Variants in DCC observed in about 807,000 individuals in gnomAD.
The protein encoded by DCC is netrin receptor DCC.
In DCC, 58 loss-of-function variants were observed where a neutral mutation model predicts 172.5. That is an observed-to-expected ratio of 0.34 (90% CI 0.27 to 0.42). The LOEUF is 0.42. Among genes scored for constraint, DCC ranks in the 10% least tolerant of loss-of-function variants. The probability of loss-of-function intolerance (pLI) is 1.00; values close to 1 mark genes in which losing one functional copy is unlikely to be tolerated. For synonymous variants in DCC, 709 were observed against 644.5 expected (o/e 1.10, Z -1.52); for missense variants, 1,740 against 1,791.0 (o/e 0.97, Z 0.51).
chr18:53,151,906 T>C (rs887095211), intron 7 of DCC, among the ~76,000 whole-genome samples: 1 of 152,148 alleles, frequency 6.6e-6, no homozygotes, highest in African/African-American at 2.4e-5. Flanking sequence ...AATAACTTTA[T>C]GAACTGTAAA....
chr18:52,415,764 TTTC>T (rs1987001476), intron 1 of DCC, among the ~76,000 whole-genome samples: 1 of 152,142 alleles, frequency 6.6e-6, no homozygotes, highest in African/African-American at 2.4e-5. Context: ...TCTTCTCTCT[TTTC>T]TTCTTTATTA....
At chr18:53,039,386 C>T (rs2042138826) in intron 5 of DCC, among the ~76,000 whole-genome samples, 1 of 152,048 alleles carries the variant, frequency 6.6e-6, no homozygotes, top group African/African-American at 2.4e-5. Flanking sequence ...AATTACAAAA[C>T]TCCATCTTTG....
chr18:52,613,342 G>A (rs975644464), intron 1 of DCC, among the ~76,000 whole-genome samples: 1 of 152,008 alleles, frequency 6.6e-6, no homozygotes, highest in African/African-American at 2.4e-5. Flanking sequence ...CGCAAGCTCC[G>A]CCTCCCGGGT....
At chr18:52,753,491 T>C (rs1162241551) in intron 2 of DCC, among the ~76,000 whole-genome samples, 1 of 152,220 alleles carries the variant, frequency 6.6e-6, no homozygotes. Context: ...ACTTTACAGC[T>C]TCATTAAATG....
At chr18:53,308,120 G>T (rs2057224840) in intron 13 of DCC, among the ~76,000 whole-genome samples, 1 of 150,998 alleles carries the variant, frequency 6.6e-6, no homozygotes, top group African/African-American at 2.4e-5. Context: ...TATTTTAATA[G>T]CTAATAGTGT....
chr18:52,944,396 G>A (rs116826737), intron 5 of DCC, among the ~76,000 whole-genome samples: 1,855 of 152,244 alleles, frequency 0.012, 40 homozygotes, highest in African/African-American at 0.042. Flanking sequence ...CTGCAGCACC[G>A]TTTCTGCATC....
chr18:52,535,788 A>G (rs1225610293), intron 1 of DCC, among the ~76,000 whole-genome samples: 1 of 152,150 alleles, frequency 6.6e-6, no homozygotes, highest in African/African-American at 2.4e-5. Flanking sequence ...TTCAACACCC[A>G]TTTGCTTAGC....
At chr18:52,361,737 A>G (rs1455822074) in intron 1 of DCC, among the ~76,000 whole-genome samples, 3 of 152,244 alleles carry the variant, frequency 2.0e-5, no homozygotes, top group African/African-American at 7.2e-5. Context: ...ATGGCTATGC[A>G]AGTCAAAGTT....
At chr18:53,216,937 T>C (rs544344301) in intron 12 of DCC, among the ~76,000 whole-genome samples, 1 of 152,270 alleles carries the variant, frequency 6.6e-6, no homozygotes, top group East Asian at 1.9e-4. Context: ...CAAAGTCAAG[T>C]AGATTTTTAC....
intron 2 of DCC, among the ~76,000 whole-genome samples, chr18:52,902,765 C>G (rs1275050533): frequency 1.3e-5 from 2 of 152,154 alleles, no homozygotes; most frequent in South Asian, 2.1e-4. Context: ...AGCATTCAGT[C>G]AAGCCTTATA....
chr18:52,499,234 T>C (rs1179181872), intron 1 of DCC, among the ~76,000 whole-genome samples: 1 of 152,196 alleles, frequency 6.6e-6, no homozygotes, highest in Non-Finnish European at 1.5e-5. Flanking sequence ...GATTGACTGA[T>C]AGCAATGACG....
chr18:53,359,869 C>G (rs2057925430), intron 15 of DCC, among the ~76,000 whole-genome samples: 1 of 152,004 alleles, frequency 6.6e-6, no homozygotes, highest in Non-Finnish European at 1.5e-5. Context: ...TTCAGTGACC[C>G]CTGACTTATC....
intron 5 of DCC, among the ~76,000 whole-genome samples, chr18:53,047,182 A>G (rs1425380592): frequency 1.5e-5 from 2 of 136,886 alleles, no homozygotes; most frequent in African/African-American, 2.7e-5. Context: ...TACAATTTCC[A>G]ATGAATTCTC....
At chr18:53,502,123 G>C (rs2046108665) in intron 27 of DCC, among the ~76,000 whole-genome samples, 1 of 151,932 alleles carries the variant, frequency 6.6e-6, no homozygotes, top group Admixed American at 6.6e-5. Flanking sequence ...TCCTTCTTTT[G>C]TTTTTATTTG....
intron 12 of DCC, among the ~76,000 whole-genome samples, chr18:53,285,336 T>C (rs919405750): frequency 3.9e-5 from 6 of 152,158 alleles, no homozygotes; most frequent in African/African-American, 1.4e-4. Flanking sequence ...TCTAGGGACT[T>C]GGTGCCCTGC....
intron 14 of DCC, among the ~76,000 whole-genome samples, chr18:53,330,187 T>C (rs2057514818): frequency 1.3e-5 from 2 of 152,178 alleles, no homozygotes; most frequent in African/African-American, 2.4e-5. Context: ...ATAACAAAGA[T>C]GGGTGACTCA....
At chr18:52,472,626 G>A (rs1988979418) in intron 1 of DCC, among the ~76,000 whole-genome samples, 1 of 152,196 alleles carries the variant, frequency 6.6e-6, no homozygotes, top group Non-Finnish European at 1.5e-5. Flanking sequence ...CTTAAGGCCA[G>A]CAGCAGTGGC....
At chr18:53,105,052 T>C (rs540654226) in intron 7 of DCC, among the ~76,000 whole-genome samples, 5 of 152,166 alleles carry the variant, frequency 3.3e-5, no homozygotes, top group African/African-American at 1.2e-4. Context: ...TTAATACTAC[T>C]GGAAATGGTA....
At chr18:52,973,456 A>G (rs1364598637) in intron 5 of DCC, among the ~76,000 whole-genome samples, 3 of 152,148 alleles carry the variant, frequency 2.0e-5, no homozygotes, top group Non-Finnish European at 4.4e-5. Context: ...CCCACTGGCC[A>G]AGTAGGTTTT....
Sources: allele counts gnomAD v4.1 joint callset (sites outside exome capture counted in the v4.1 genomes callset), GRCh38; gene constraint gnomAD v4.1.1; transcripts MANE v1.5; gene names NCBI Gene and HGNC (gene_info 2026-07-23, HGNC 2026-07-21).